DACH1: variants seen among roughly 807,000 people sequenced by gnomAD.
DACH1 encodes dachshund family transcription factor 1, also known as dachshund homolog 1.
In DACH1, 12 loss-of-function variants were observed where a neutral mutation model predicts 54.2. The observed-to-expected ratio is 0.22, with a 90% CI of 0.14 to 0.36. The LOEUF (loss-of-function observed/expected upper bound fraction) is 0.36, where lower values mean the gene tolerates loss of function less well. DACH1 is among the 10% of genes least tolerant of loss of function. DACH1 has a pLI of 1.00. For synonymous variants in DACH1, 386 were observed against 366.2 expected (o/e 1.05, Z -0.62); for missense variants, 805 against 929.8 (o/e 0.87, Z 1.75).
At chr13:71,450,376 T>C (rs1874926875) in intron 10 of DACH1, among the ~76,000 whole-genome samples, 2 of 152,098 alleles carry the variant, frequency 1.3e-5, no homozygotes, top group Non-Finnish European at 2.9e-5. Context: ...ATTGTAACTG[T>C]TTTGGGGGTT....
intron 4 of DACH1, among the ~76,000 whole-genome samples, chr13:71,572,184 T>G (rs1271430877): frequency 3.3e-5 from 5 of 152,212 alleles, no homozygotes; most frequent in Admixed American, 3.3e-4. Context: ...TATTTTGATT[T>G]AAGTACACAT....
chr13:71,777,370 G>C (rs1415462556), intron 1 of DACH1, among the ~76,000 whole-genome samples: 1 of 151,936 alleles, frequency 6.6e-6, no homozygotes, highest in East Asian at 1.9e-4. Context: ...AGTTAAATGG[G>C]AATAATGACA....
intron 1 of DACH1, among the ~76,000 whole-genome samples, chr13:71,740,277 C>A (rs1389153187): frequency 6.6e-6 from 1 of 152,014 alleles, no homozygotes; most frequent in African/African-American, 2.4e-5. Context: ...ATACTTCACT[C>A]TTTACAAGTC....
intron 10 of DACH1, among the ~76,000 whole-genome samples, chr13:71,470,027 G>A (rs2138159369): frequency 6.6e-6 from 1 of 152,238 alleles, no homozygotes; most frequent in East Asian, 1.9e-4. Flanking sequence ...GGTCTATATC[G>A]CCATTGGTTT....
chr13:71,509,004 A>G (rs1051049644), intron 6 of DACH1, among the ~76,000 whole-genome samples: 2 of 152,160 alleles, frequency 1.3e-5, no homozygotes, highest in Admixed American at 1.3e-4. Flanking sequence ...CCTTCAAAAT[A>G]TTCTTAACAT....
At chr13:71,601,496 A>G (rs1593966023) in intron 3 of DACH1, among the ~76,000 whole-genome samples, 1 of 152,144 alleles carries the variant, frequency 6.6e-6, no homozygotes, top group East Asian at 1.9e-4. Flanking sequence ...GTTCTAGTTA[A>G]TATGAATTTT....
intron 3 of DACH1, among the ~76,000 whole-genome samples, chr13:71,595,446 C>T (rs1327492790): frequency 6.6e-6 from 1 of 152,068 alleles, no homozygotes; most frequent in Non-Finnish European, 1.5e-5. Context: ...AGGGAGGAAG[C>T]TTGGAACTGA....
At chr13:71,794,973 T>A (rs879867121) in intron 1 of DACH1, among the ~76,000 whole-genome samples, 1 of 152,016 alleles carries the variant, frequency 6.6e-6, no homozygotes, top group South Asian at 2.1e-4. Context: ...GAATATAGTA[T>A]ACTCAAACCA....
At chr13:71,443,999 C>A (rs924721066) in intron 10 of DACH1, among the ~76,000 whole-genome samples, 1 of 152,038 alleles carries the variant, frequency 6.6e-6, no homozygotes, top group Non-Finnish European at 1.5e-5. Flanking sequence ...CCTGTGGGAC[C>A]AAACTATGTT....
intron 8 of DACH1, 60 bp downstream of exon 8, chr13:71,479,109 A>G: frequency 7.1e-7 from 1 of 1,402,166 alleles, no homozygotes. Flanking sequence ...TCACCATCAT[A>G]GTATTAATAT....
intron 1 of DACH1, among the ~76,000 whole-genome samples, chr13:71,768,131 C>T (rs528034536): frequency 7.2e-5 from 11 of 152,086 alleles, no homozygotes; most frequent in Admixed American, 7.2e-4. Context: ...ATTATTGTCT[C>T]TCCAGTCCCA....
chr13:71,857,298 T>G (rs1011589376), intron 1 of DACH1, among the ~76,000 whole-genome samples: 9 of 151,692 alleles, frequency 5.9e-5, no homozygotes, highest in African/African-American at 2.2e-4. Flanking sequence ...AACTCTAAAA[T>G]TAATTCTTTT....
At chr13:71,800,474 CTTCT>C (rs1441461451) in intron 1 of DACH1, among the ~76,000 whole-genome samples, 2 of 152,010 alleles carry the variant, frequency 1.3e-5, no homozygotes, top group African/African-American at 4.8e-5. Flanking sequence ...TTTAGATGAA[CTTCT>C]TTCTAGATTT....
chr13:71,707,176 AT>A (rs1882492122), intron 1 of DACH1, among the ~76,000 whole-genome samples: 1 of 152,192 alleles, frequency 6.6e-6, no homozygotes, highest in Non-Finnish European at 1.5e-5. Context: ...ATACATACAC[AT>A]GCAGTAAGCA....
At chr13:71,848,666 T>G (rs1038538246) in intron 1 of DACH1, among the ~76,000 whole-genome samples, 9 of 151,912 alleles carry the variant, frequency 5.9e-5, no homozygotes, top group African/African-American at 2.2e-4. Flanking sequence ...TGTCTCAGCC[T>G]CCCAAGTAGC....
intron 1 of DACH1, among the ~76,000 whole-genome samples, chr13:71,682,964 C>T (rs961656851): frequency 2.0e-5 from 3 of 152,104 alleles, no homozygotes; most frequent in Admixed American, 6.6e-5. Flanking sequence ...TTGGCCAAAA[C>T]GTGCCTAGAT....
chr13:71,557,174 A>G lies in DACH1; in HGVS notation c.1436-16T>C. The G allele has an allele frequency of 1.9e-6, 3 of 1,591,582 alleles. No homozygotes were observed. Among genetic ancestry groups the G allele is most frequent in the Non-Finnish European group, 2.6e-6 (3 of 1,172,420 alleles). On this transcript the variant is annotated splice_polypyrimidine_tract_variant and intron_variant, in intron 5 of 10. Transcript: ENST00000613252. ...TGATGGACCGCTATTATGGCCCAAAAGAAAACAAACAAAACAAAACACAAA... is the reference window on the plus strand; with the variant it reads ...TGATGGACCGCTATTATGGCCCAAAGGAAAACAAACAAAACAAAACACAAA...
At position 71,440,370 on chromosome 13, in the gene DACH1, ACT is replaced by A; in HGVS notation, c.*283_*284del. 1 of 324,828 alleles carries A rather than the reference ACT, an allele frequency of 3.1e-6. No individual in the cohort carries two copies. Among genetic ancestry groups the A allele is most frequent in the Non-Finnish European group, 5.6e-6 (1 of 179,090 alleles). 20.1% of individuals were successfully genotyped at this position (324,828 alleles called of 1,614,324 possible). On this transcript the variant is annotated 3_prime_UTR_variant, in exon 11 of 11. Coordinates refer to ENST00000613252, the MANE Select transcript of DACH1 (RefSeq NM_080759.6). ...TAGGTCTTATTCAGACCTGCCTTTA[ACT>A]CTGTATACAATTGTCCAGCAGCAAG...
rs9572768 is a variant in DACH1 at position 71,680,294 on chromosome 13, A to G, written c.964+1501T>C. The stretch of plus-strand genomic sequence containing the variant: ...TAAAAATATTTTCATGGAATTTTCA[A>G]TTATTTACTATTAAAAACCTTTGGT... On this transcript the variant is annotated intron_variant, in intron 2 of 10. Coordinates refer to ENST00000613252, the MANE Select transcript of DACH1 (RefSeq NM_080759.6). Among the ~76,000 whole-genome samples the G allele has an allele frequency of 7.6e-4, 116 of 152,272 alleles. 1 individual carries two copies. In the East Asian group the frequency reaches 0.019, roughly 25 times the overall value.
Sources: allele counts gnomAD v4.1 joint callset (sites outside exome capture counted in the v4.1 genomes callset), GRCh38; gene constraint gnomAD v4.1.1; transcripts MANE v1.5; gene names NCBI Gene and HGNC (gene_info 2026-07-23, HGNC 2026-07-21).